The following KCTD8 variants were observed in gnomAD, a reference collection of about 807,000 sequenced individuals.
KCTD8 encodes the protein potassium channel tetramerization domain containing 8.
Under a neutral mutation model 31.5 loss-of-function variants are expected in KCTD8, and 27 were observed. The ratio of observed to expected loss-of-function variants is 0.86; its 90% confidence interval spans 0.63 to 1.18. The LOEUF (loss-of-function observed/expected upper bound fraction) is 1.18, where lower values mean the gene tolerates loss of function less well. KCTD8 is among the 50% of genes most tolerant of loss of function. KCTD8 has a pLI of 0.00. For missense variants in KCTD8, 658 were observed against 647.7 expected, an observed-to-expected ratio of 1.02 and a Z score of -0.17; for synonymous variants, 290 against 280.0, an observed-to-expected ratio of 1.04 and a Z score of -0.36.
intron 1 of KCTD8, among the ~76,000 whole-genome samples, chr4:44,266,763 GC>G (rs1560410427): frequency 1.3e-5 from 2 of 151,910 alleles, no homozygotes; most frequent in Non-Finnish European, 2.9e-5. Context: ...GATAAAACAG[GC>G]TTTAAACCAA....
chr4:44,268,272 A>C lies in KCTD8; in HGVS notation c.962-93022T>G, dbSNP rs1346796574. Among the ~76,000 whole-genome samples, 14 of 151,762 alleles carry C rather than the reference A, an allele frequency of 9.2e-5. No homozygotes were observed. In the East Asian group the frequency reaches 1.2e-3, roughly 13 times the overall value. Reference sequence around the variant, plus strand: ...ATCAATAAATGTAATCCAGCATATAAACAGAACCAAAGACAAAAACCACAT... The same window carrying C: ...ATCAATAAATGTAATCCAGCATATACACAGAACCAAAGACAAAAACCACAT... On this transcript the variant is annotated intron_variant, in intron 1 of 1. Coordinates refer to ENST00000360029, the MANE Select transcript of KCTD8 (RefSeq NM_198353.3).
At chr4:44,353,073 A>G (rs1719254807) in intron 1 of KCTD8, among the ~76,000 whole-genome samples, 1 of 152,164 alleles carries the variant, frequency 6.6e-6, no homozygotes, top group African/African-American at 2.4e-5. Context: ...GAATAAAGAT[A>G]CAGAATGTTT....
In KCTD8 at chr4:44,358,203, A is replaced by G. The variant is rs182033918; in HGVS notation, c.961+89360T>C. ...AGAATGATGGTTTCCAGCTTCACCC[A>G]TGTCCCTGCAAAGGACATGAACTCA... is the stretch of plus-strand genomic sequence containing the variant. On this transcript the variant is annotated intron_variant, in intron 1 of 1. Coordinates refer to ENST00000360029, the MANE Select transcript of KCTD8 (RefSeq NM_198353.3). Among the ~76,000 whole-genome samples, 452 of 152,200 alleles carry G rather than the reference A, an allele frequency of 3.0e-3. 1 individual carries two copies. The highest frequency in any genetic ancestry group is 7.5e-3 in the South Asian group (36 of 4,820).
intron 1 of KCTD8, among the ~76,000 whole-genome samples, chr4:44,245,732 T>C (rs993541001): frequency 6.6e-6 from 1 of 151,616 alleles, no homozygotes; most frequent in African/African-American, 2.4e-5. Flanking sequence ...ATAATTAGCA[T>C]TTTTTTCCTA....
In KCTD8 at chr4:44,362,429, T is replaced by C. The variant is rs75535700; in HGVS notation, c.961+85134A>G. On this transcript the variant is annotated intron_variant, in intron 1 of 1. Coordinates refer to ENST00000360029, the MANE Select transcript of KCTD8 (RefSeq NM_198353.3). ...AGCATGTGTTTAAAAATCACAAAGA[T>C]AGTAAGCAGTATTTGTTCCAAATAC... Among the ~76,000 whole-genome samples, 139 of 152,240 alleles carry C rather than the reference T, an allele frequency of 9.1e-4. 1 individual carries two copies. The East Asian group carries it at 0.022, about 24-fold the overall frequency.
chr4:44,443,179 T>C (rs2035347656), intron 1 of KCTD8, among the ~76,000 whole-genome samples: 1 of 152,202 alleles, frequency 6.6e-6, no homozygotes, highest in Non-Finnish European at 1.5e-5. Context: ...CATTCAGCCA[T>C]GTGGCTGCAG....
intron 1 of KCTD8, among the ~76,000 whole-genome samples, chr4:44,275,611 T>C (rs1476850426): frequency 1.3e-5 from 2 of 152,082 alleles, no homozygotes; most frequent in African/African-American, 2.4e-5. Flanking sequence ...TAATCAAAGC[T>C]AAGAATCTAC....
intron 1 of KCTD8, among the ~76,000 whole-genome samples, chr4:44,413,593 A>C (rs1046600046): frequency 2.6e-5 from 4 of 152,024 alleles, no homozygotes; most frequent in African/African-American, 9.7e-5. Context: ...TCAATGCTTA[A>C]AGGGTAGTTT....
rs2109489622 is a variant in KCTD8, at chr4:44,447,741, C to G, written c.783G>C (p.Gln261His). The G allele has an allele frequency of 6.2e-7, 1 of 1,612,326 alleles. No homozygotes were observed. Among genetic ancestry groups the G allele is most frequent in the South Asian group, 1.1e-5 (1 of 90,662 alleles). ...AGAAGCGGGACGTGTACTTCTCCGG[C>G]TGCCGGTCGGGGTCGCGGCTCTCGT... Reference protein sequence around the residue: ...TLNESRDPDRQPEKYTSRFYL... With the variant: ...TLNESRDPDRHPEKYTSRFYL... Residue 261 changes from glutamine (Q) to histidine (H), a missense_variant, in exon 1 of 2, where the codon CAG becomes CAC. Physicochemically the swap from Gln to His is conservative, Grantham distance 24. Transcript: ENST00000360029.
intron 1 of KCTD8, among the ~76,000 whole-genome samples, chr4:44,244,181 A>G (rs936389362): frequency 4.6e-5 from 7 of 152,184 alleles, no homozygotes; most frequent in African/African-American, 1.7e-4. Context: ...AACTGCACAC[A>G]TTCTGTTATT....
At chr4:44,240,677 C>T (rs1445769389) in intron 1 of KCTD8, among the ~76,000 whole-genome samples, 1 of 152,074 alleles carries the variant, frequency 6.6e-6, no homozygotes, top group Non-Finnish European at 1.5e-5. Flanking sequence ...TGATTTCTTG[C>T]TCCAATCAAG....
intron 1 of KCTD8, among the ~76,000 whole-genome samples, chr4:44,389,142 G>C (rs34623132): frequency 0.086 from 13,118 of 151,712 alleles, 602 homozygotes; most frequent in South Asian, 0.16. Flanking sequence ...TGGTGAGGAT[G>C]TTGTAAGGAG....
intron 1 of KCTD8, among the ~76,000 whole-genome samples, chr4:44,221,111 T>C (rs1714794112): frequency 6.6e-6 from 1 of 152,218 alleles, no homozygotes; most frequent in Admixed American, 6.5e-5. Flanking sequence ...CAACAGGCTC[T>C]GTAGCATTTA....
At chr4:44,404,649 G>A (rs903677871) in intron 1 of KCTD8, among the ~76,000 whole-genome samples, 3 of 152,168 alleles carry the variant, frequency 2.0e-5, no homozygotes, top group Admixed American at 2.0e-4. Flanking sequence ...ATGACCTATA[G>A]AACTGGCCTG....
At position 44,310,605 on chromosome 4, in the gene KCTD8, A is replaced by G. The variant is rs561040756; in HGVS notation, c.962-135355T>C. On this transcript the variant is annotated intron_variant, in intron 1 of 1. Coordinates refer to ENST00000360029, the MANE Select transcript of KCTD8 (RefSeq NM_198353.3). ...AAAAGTTTATGCTCTGAAATGTTTC[A>G]AAGTTAGCAGTCTTGGTAACATTAA... Among the ~76,000 whole-genome samples the G allele has an allele frequency of 1.1e-4, 16 of 152,240 alleles. No homozygotes were observed. The East Asian group carries it at 3.1e-3, about 29-fold the overall frequency.
At chr4:44,233,469 G>A (rs933746317) in intron 1 of KCTD8, among the ~76,000 whole-genome samples, 2 of 152,190 alleles carry the variant, frequency 1.3e-5, no homozygotes, top group East Asian at 1.9e-4. Flanking sequence ...TGTTTACCAC[G>A]TCAGCAATCT....
chr4:44,421,991 T>C (rs1721223600), intron 1 of KCTD8, among the ~76,000 whole-genome samples: 1 of 152,178 alleles, frequency 6.6e-6, no homozygotes, highest in Admixed American at 6.6e-5. Flanking sequence ...TAACTGTTCC[T>C]GAAATACATG....
intron 1 of KCTD8, among the ~76,000 whole-genome samples, chr4:44,435,068 T>A (rs1369745269): frequency 6.6e-6 from 1 of 152,018 alleles, no homozygotes. Context: ...AACTTGTATC[T>A]TACCTAAATT....
intron 1 of KCTD8, among the ~76,000 whole-genome samples, chr4:44,410,700 A>T (rs1043492541): frequency 6.6e-6 from 1 of 152,024 alleles, no homozygotes; most frequent in Non-Finnish European, 1.5e-5. Context: ...GGCAAAAAAG[A>T]GCTTGAGGAG....
Sources: allele counts gnomAD v4.1 joint callset (sites outside exome capture counted in the v4.1 genomes callset), GRCh38; gene constraint gnomAD v4.1.1; transcripts MANE v1.5; gene names NCBI Gene and HGNC (gene_info 2026-07-23, HGNC 2026-07-21).